NCKAP5: variants seen among roughly 807,000 people sequenced by gnomAD.
NCKAP5 encodes the protein nck-associated protein 5.
In NCKAP5, 92 loss-of-function variants were observed where a neutral mutation model predicts 167.0. The observed-to-expected ratio is 0.55, with a 90% CI of 0.47 to 0.66. The LOEUF is 0.66. NCKAP5 is among the 30% of genes least tolerant of loss of function. The probability of loss-of-function intolerance (pLI) is 0.00; values close to 1 mark genes in which losing one functional copy is unlikely to be tolerated. For missense variants in NCKAP5, 2,378 were observed against 2,315.0 expected (o/e 1.03, Z -0.56); for synonymous variants, 891 against 877.4 (o/e 1.02, Z -0.27).
intron 3 of NCKAP5, among the ~76,000 whole-genome samples, chr2:133,344,395 G>C (rs1683815117): frequency 7.5e-6 from 1 of 133,064 alleles, no homozygotes; most frequent in Admixed American, 7.8e-5. Flanking sequence ...GCGACAAAGT[G>C]AAACTTTGTC....
At chr2:133,425,954 A>G (rs192826963) in intron 3 of NCKAP5, among the ~76,000 whole-genome samples, 1 of 152,324 alleles carries the variant, frequency 6.6e-6, no homozygotes, top group Non-Finnish European at 1.5e-5. Context: ...TAAATTAAAA[A>G]ACAGTCTTCT....
At chr2:133,390,659 G>C in intron 3 of NCKAP5, among the ~76,000 whole-genome samples, 1 of 152,148 alleles carries the variant, frequency 6.6e-6, no homozygotes, top group East Asian at 1.9e-4. Flanking sequence ...CCCTAGAGTA[G>C]TGGTTCTTAA....
intron 3 of NCKAP5, among the ~76,000 whole-genome samples, chr2:133,349,728 A>G (rs1046363997): frequency 8.5e-5 from 13 of 152,158 alleles, no homozygotes; most frequent in African/African-American, 2.7e-4. Context: ...AAATAAGTCC[A>G]GAGTAGCCCA....
chr2:132,731,401 A>G (rs1007706782), intron 17 of NCKAP5, among the ~76,000 whole-genome samples: 1 of 152,248 alleles, frequency 6.6e-6, no homozygotes, highest in Non-Finnish European at 1.5e-5. Flanking sequence ...TTAAATCTAT[A>G]TCTTGGGCTG....
At chr2:133,461,864 G>T (rs1286399488) in intron 3 of NCKAP5, among the ~76,000 whole-genome samples, 1 of 152,042 alleles carries the variant, frequency 6.6e-6, no homozygotes, top group Non-Finnish European at 1.5e-5. Flanking sequence ...GATTTCATAG[G>T]ATATGCCTAA....
chr2:133,332,908 G>A (rs149403620), intron 3 of NCKAP5, among the ~76,000 whole-genome samples: 5 of 152,238 alleles, frequency 3.3e-5, no homozygotes, highest in African/African-American at 9.6e-5. Context: ...AGCCCTTCAC[G>A]GGCAAATCCA....
At chr2:133,162,519 T>C (rs1356406858) in intron 5 of NCKAP5, among the ~76,000 whole-genome samples, 2 of 151,982 alleles carry the variant, frequency 1.3e-5, no homozygotes, top group African/African-American at 4.8e-5. Flanking sequence ...AAATATAGAG[T>C]GTTACTATGA....
intron 2 of NCKAP5, among the ~76,000 whole-genome samples, chr2:133,533,806 TGCAGCCCA>T (rs1237013464): frequency 1.1e-4 from 17 of 152,288 alleles, no homozygotes; most frequent in African/African-American, 3.8e-4. Context: ...TATATGACAT[TGCAGCCCA>T]GAAATTTGAA....
At chr2:132,872,524 G>A (rs1174284410) in intron 9 of NCKAP5, among the ~76,000 whole-genome samples, 3 of 152,152 alleles carry the variant, frequency 2.0e-5, no homozygotes, top group Non-Finnish European at 4.4e-5. Context: ...GCCACACTAA[G>A]CAGTTTATTC....
intron 3 of NCKAP5, among the ~76,000 whole-genome samples, chr2:133,330,578 T>C (rs10165555): frequency 0.2 from 30,788 of 152,024 alleles, 3,319 homozygotes; most frequent in East Asian, 0.35. Context: ...CTGCATCATA[T>C]GGTATTAGTA....
At chr2:133,658,511 C>T in the NCKAP5 span, among the ~76,000 whole-genome samples, 1 of 152,136 alleles carries the variant, frequency 6.6e-6, no homozygotes, top group Non-Finnish European at 1.5e-5. Flanking sequence ...CCCTGCTGTC[C>T]TGGGAGTGGG....
At chr2:133,221,008 A>G (rs975660003) in intron 4 of NCKAP5, among the ~76,000 whole-genome samples, 8 of 152,140 alleles carry the variant, frequency 5.3e-5, no homozygotes, top group Non-Finnish European at 8.8e-5. Context: ...ACTCATTGTT[A>G]AGTCTCACGG....
chr2:132,945,593 G>T (rs189444252), intron 8 of NCKAP5, among the ~76,000 whole-genome samples: 28 of 152,136 alleles, frequency 1.8e-4, no homozygotes, highest in African/African-American at 6.3e-4. Context: ...CATCCTTAAT[G>T]GGTCACTTCT....
At chr2:133,453,009 A>G (rs1691644191) in intron 3 of NCKAP5, among the ~76,000 whole-genome samples, 1 of 152,196 alleles carries the variant, frequency 6.6e-6, no homozygotes, top group Non-Finnish European at 1.5e-5. Context: ...CTGTTGAATA[A>G]GTGAATGTAT....
At chr2:132,805,627 A>C (rs1453532138) in intron 11 of NCKAP5, among the ~76,000 whole-genome samples, 1 of 150,070 alleles carries the variant, frequency 6.7e-6, no homozygotes, top group Admixed American at 6.7e-5. Flanking sequence ...TTCCATATGT[A>C]AATTTGGACC....
chr2:133,492,170 T>TGTGTGTGTGTGTGTGTGTG (rs1559524824), intron 3 of NCKAP5, among the ~76,000 whole-genome samples: 19 of 151,586 alleles, frequency 1.3e-4, no homozygotes, highest in South Asian at 2.1e-4. Flanking sequence ...TGTGTGTGTG[T>TGTGTGTGTGTGTGTGTGTG]TAAGGTCTAT....
chr2:132,906,045 T>A (rs1693987125), intron 8 of NCKAP5, among the ~76,000 whole-genome samples: 1 of 152,242 alleles, frequency 6.6e-6, no homozygotes, highest in South Asian at 2.1e-4. Context: ...GGTTACCAAA[T>A]AAAGCTATTC....
chr2:133,067,956 A>G (rs1024659064), intron 6 of NCKAP5, among the ~76,000 whole-genome samples: 4 of 152,216 alleles, frequency 2.6e-5, no homozygotes, highest in African/African-American at 9.6e-5. Flanking sequence ...TATTCCCCTC[A>G]TGAATTATCG....
intron 3 of NCKAP5, among the ~76,000 whole-genome samples, chr2:133,310,004 G>A (rs1456504685): frequency 6.6e-6 from 1 of 152,134 alleles, no homozygotes; most frequent in East Asian, 1.9e-4. Context: ...AGCAGCACCA[G>A]CAAGGCGGCC....
Sources: gnomAD v4.1 joint callset for allele counts (sites outside exome capture counted in the v4.1 genomes callset) on GRCh38, gnomAD v4.1.1 for gene constraint, MANE v1.5 for transcripts, NCBI Gene and HGNC (gene_info 2026-07-23, HGNC 2026-07-21) for gene names.